The following KCNAB1 variants were observed in gnomAD, a reference collection of about 807,000 sequenced individuals.
KCNAB1 encodes voltage-gated potassium channel subunit beta-1.
In KCNAB1, 35 loss-of-function variants were observed where a neutral mutation model predicts 64.6. The observed-to-expected ratio is 0.54, with a 90% CI of 0.41 to 0.72. The LOEUF (loss-of-function observed/expected upper bound fraction) is 0.72, where lower values mean the gene tolerates loss of function less well. KCNAB1 is among the 30% of genes least tolerant of loss of function. KCNAB1 has a pLI of 0.00. For missense variants in KCNAB1, 401 were observed against 512.9 expected, an observed-to-expected ratio of 0.78 and a Z score of 2.11; for synonymous variants, 177 against 183.8, an observed-to-expected ratio of 0.96 and a Z score of 0.30.
intron 2 of KCNAB1, among the ~76,000 whole-genome samples, chr3:156,422,722 ATGCTG>A (rs749424233): frequency 2.6e-5 from 4 of 152,232 alleles, no homozygotes; most frequent in Admixed American, 6.5e-5. Flanking sequence ...CAGCAAGTAG[ATGCTG>A]TTTAAGCCCG....
intron 2 of KCNAB1, among the ~76,000 whole-genome samples, chr3:156,439,640 C>T (rs544648475): frequency 3.3e-5 from 5 of 152,300 alleles, no homozygotes; most frequent in East Asian, 1.9e-4. Context: ...ACTCTCTTAT[C>T]GTAAGCAGTC....
chr3:156,372,042 C>G (rs1213944703), intron 1 of KCNAB1, among the ~76,000 whole-genome samples: 1 of 152,118 alleles, frequency 6.6e-6, no homozygotes, highest in Non-Finnish European at 1.5e-5. Context: ...TGTGCAGTTA[C>G]AGATTAATTA....
At chr3:156,317,556 C>G (rs1722364392) in intron 1 of KCNAB1, among the ~76,000 whole-genome samples, 1 of 151,876 alleles carries the variant, frequency 6.6e-6, no homozygotes, top group Non-Finnish European at 1.5e-5. Flanking sequence ...CTTCCTTCTT[C>G]CCTATCTCGA....
chr3:156,195,775 GA>G (rs1713878636), intron 1 of KCNAB1, among the ~76,000 whole-genome samples: 1 of 152,162 alleles, frequency 6.6e-6, no homozygotes, highest in Non-Finnish European at 1.5e-5. Context: ...TTGCTGTGCA[GA>G]AACTCTTTAG....
intron 1 of KCNAB1, among the ~76,000 whole-genome samples, chr3:156,309,833 G>A (rs888086884): frequency 1.3e-5 from 2 of 152,188 alleles, no homozygotes; most frequent in African/African-American, 2.4e-5. Context: ...AGGGGCAGAA[G>A]AATTCTAGGA....
intron 1 of KCNAB1, among the ~76,000 whole-genome samples, chr3:156,393,438 C>A (rs1713192202): frequency 6.6e-6 from 1 of 152,154 alleles, no homozygotes; most frequent in African/African-American, 2.4e-5. Flanking sequence ...CACCTGACTG[C>A]CAGGTCTCAC....
intron 1 of KCNAB1, among the ~76,000 whole-genome samples, chr3:156,317,162 A>C (rs759718190): frequency 6.6e-6 from 1 of 152,144 alleles, no homozygotes; most frequent in Non-Finnish European, 1.5e-5. Flanking sequence ...ACCTAGAATA[A>C]TTATTCTACT....
intron 2 of KCNAB1, among the ~76,000 whole-genome samples, chr3:156,449,355 C>T (rs377334635): frequency 1.9e-3 from 287 of 152,226 alleles, no homozygotes; most frequent in Middle Eastern, 3.4e-3. Flanking sequence ...AACACTTATG[C>T]CAGGAGGGTG....
intron 1 of KCNAB1, among the ~76,000 whole-genome samples, chr3:156,401,681 G>A (rs1311364245): frequency 6.6e-6 from 1 of 152,160 alleles, no homozygotes; most frequent in Admixed American, 6.5e-5. Context: ...AATGAAATCT[G>A]CCTTTTCTCT....
At chr3:156,319,187 G>T (rs373592041) in intron 1 of KCNAB1, among the ~76,000 whole-genome samples, 3 of 152,284 alleles carry the variant, frequency 2.0e-5, no homozygotes, top group East Asian at 3.9e-4. Flanking sequence ...CATACAGTCA[G>T]CCTGGCAGTG....
At chr3:156,211,283 T>C (rs1321146381) in intron 1 of KCNAB1, among the ~76,000 whole-genome samples, 1 of 152,238 alleles carries the variant, frequency 6.6e-6, no homozygotes, top group African/African-American at 2.4e-5. Context: ...GAAATTGTCT[T>C]CAAGGTTTGC....
intron 1 of KCNAB1, among the ~76,000 whole-genome samples, chr3:156,161,094 C>A (rs1372143695): frequency 6.6e-6 from 1 of 152,200 alleles, no homozygotes; most frequent in African/African-American, 2.4e-5. Context: ...TAAACCACTC[C>A]ATTTCTGAGG....
intron 1 of KCNAB1, among the ~76,000 whole-genome samples, chr3:156,341,782 A>T (rs1724132596): frequency 6.6e-6 from 1 of 152,178 alleles, no homozygotes; most frequent in Middle Eastern, 3.2e-3. Context: ...TTATACCATA[A>T]ACTAGTTTCA....
intron 1 of KCNAB1, among the ~76,000 whole-genome samples, chr3:156,376,604 A>C (rs59449974): frequency 0.029 from 4,385 of 152,222 alleles, 226 homozygotes; most frequent in African/African-American, 0.099. Flanking sequence ...AAAAGAAGCT[A>C]GATAGTTGTT....
chr3:156,370,375 A>G (rs1020317044), intron 1 of KCNAB1, among the ~76,000 whole-genome samples: 2 of 152,246 alleles, frequency 1.3e-5, no homozygotes, highest in Non-Finnish European at 2.9e-5. Context: ...GTAAAGTACA[A>G]TCACTTATAA....
At chr3:156,392,297 TTGA>T (rs1713104055) in intron 1 of KCNAB1, among the ~76,000 whole-genome samples, 1 of 152,230 alleles carries the variant, frequency 6.6e-6, no homozygotes. Flanking sequence ...CAACAAGTAT[TTGA>T]TGAAGGAATG....
intron 1 of KCNAB1, among the ~76,000 whole-genome samples, chr3:156,365,983 G>A (rs971371385): frequency 1.3e-5 from 2 of 152,164 alleles, no homozygotes; most frequent in African/African-American, 4.8e-5. Flanking sequence ...GAAGGAAAAT[G>A]TTCTTCTCCT....
intron 1 of KCNAB1, among the ~76,000 whole-genome samples, chr3:156,305,403 G>A (rs531395478): frequency 3.8e-4 from 58 of 152,302 alleles, no homozygotes; most frequent in African/African-American, 1.3e-3. Flanking sequence ...GGATGCATGA[G>A]TGATCCAGTT....
chr3:156,469,261 T>C (rs1713687499), intron 7 of KCNAB1, among the ~76,000 whole-genome samples: 1 of 139,026 alleles, frequency 7.2e-6, no homozygotes, highest in African/African-American at 2.7e-5. Context: ...TTTTTTTTTT[T>C]TTTTTTTTTT....
Sources: gnomAD v4.1 joint callset for allele counts (sites outside exome capture counted in the v4.1 genomes callset) on GRCh38, gnomAD v4.1.1 for gene constraint, MANE v1.5 for transcripts, NCBI Gene and HGNC (gene_info 2026-07-23, HGNC 2026-07-21) for gene names.